The following L3MBTL3 variants were observed in gnomAD, a reference collection of about 807,000 sequenced individuals.
The protein encoded by L3MBTL3 is L3MBTL histone methyl-lysine binding protein 3.
L3MBTL3 carries 27 observed loss-of-function variants against 102.3 expected under a neutral mutation model. The ratio of observed to expected loss-of-function variants is 0.26; its 90% CI spans 0.19 to 0.36. L3MBTL3 has a LOEUF of 0.36. Among genes scored for constraint, L3MBTL3 ranks in the 10% least tolerant of loss-of-function variants. The probability of loss-of-function intolerance (pLI) is 1.00; values close to 1 mark genes in which losing one functional copy is unlikely to be tolerated. For synonymous variants in L3MBTL3, 340 were observed against 320.9 expected (o/e 1.06, Z -0.64); for missense variants, 798 against 955.3 (o/e 0.84, Z 2.17).
chr6:130,113,267 T>A (rs1459536105), intron 19 of L3MBTL3, among the ~76,000 whole-genome samples: 1 of 152,210 alleles, frequency 6.6e-6, no homozygotes, highest in East Asian at 1.9e-4. Context: ...GGAATCTTCA[T>A]TTTTTAACCA....
At chr6:130,060,379 CT>C (rs1173559725) in intron 10 of L3MBTL3, among the ~76,000 whole-genome samples, 1 of 152,160 alleles carries the variant, frequency 6.6e-6, no homozygotes, top group African/African-American at 2.4e-5. Context: ...GACCACACAG[CT>C]TCAAAGTGGT....
chr6:130,135,148 G>A (rs1033697164), intron 22 of L3MBTL3, among the ~76,000 whole-genome samples: 2 of 142,100 alleles, frequency 1.4e-5, no homozygotes, highest in African/African-American at 5.3e-5. Context: ...TGCAACCTCC[G>A]CCTCCTGGCA....
intron 8 of L3MBTL3, among the ~76,000 whole-genome samples, chr6:130,056,205 G>A (rs1781499281): frequency 1.3e-5 from 2 of 152,190 alleles, no homozygotes; most frequent in South Asian, 2.1e-4. Context: ...TGGGATTACA[G>A]GCATGAGCCA....
At chr6:130,081,213 A>G (rs1345522006) in intron 14 of L3MBTL3, among the ~76,000 whole-genome samples, 3 of 152,220 alleles carry the variant, frequency 2.0e-5, no homozygotes, top group African/African-American at 7.2e-5. Context: ...AGTGAACTGC[A>G]GTTATCTCTA....
chr6:130,120,072 A>G (rs1217768597), intron 19 of L3MBTL3, among the ~76,000 whole-genome samples: 1 of 152,222 alleles, frequency 6.6e-6, no homozygotes, highest in East Asian at 1.9e-4. Context: ...GTAGCACATC[A>G]TAAACACAGA....
intron 2 of L3MBTL3, among the ~76,000 whole-genome samples, chr6:130,039,576 C>T (rs1240565400): frequency 6.7e-6 from 1 of 148,802 alleles, no homozygotes; most frequent in Non-Finnish European, 1.5e-5. Flanking sequence ...TGGTTGAAAG[C>T]TCAAAGAGGT....
chr6:130,023,540 A>AG (rs1779142948), intron 2 of L3MBTL3, among the ~76,000 whole-genome samples: 1 of 152,296 alleles, frequency 6.6e-6, no homozygotes, highest in East Asian at 1.9e-4. Context: ...CTAGAATAGG[A>AG]ATCAGAAGAC....
chr6:130,136,810 G>T (rs1787733462), intron 22 of L3MBTL3, among the ~76,000 whole-genome samples: 1 of 152,030 alleles, frequency 6.6e-6, no homozygotes, highest in Non-Finnish European at 1.5e-5. Context: ...TAGAGATGTG[G>T]TTTCACCATA....
At chr6:130,068,747 A>G (rs1409315881) in intron 12 of L3MBTL3, among the ~76,000 whole-genome samples, 1 of 152,210 alleles carries the variant, frequency 6.6e-6, no homozygotes, top group African/African-American at 2.4e-5. Context: ...GTGCTGTTCA[A>G]ATGGGATTCA....
chr6:130,071,160 T>A, intron 13 of L3MBTL3, 33 bp downstream of exon 13: 1 of 1,577,354 alleles, frequency 6.3e-7, no homozygotes, highest in Non-Finnish European at 8.7e-7. Context: ...CTTTTAAAAA[T>A]TTAATATTTA....
Position 130,133,802 on chromosome 6 carries a change from C to G in L3MBTL3, c.2137-41C>G. On this transcript the variant is annotated intron_variant, in intron 21 of 22. Coordinates refer to ENST00000361794, the MANE Select transcript of L3MBTL3 (RefSeq NM_032438.4). This position sits in a 1 kb window ranked among gnomAD's most constrained non-coding sequence, Gnocchi z 4.9. Reference sequence around the variant, plus strand: ...TGAACCTGTAGCATTTAGATTCTGACTGTGTTTTTTAACTGGGAATTTTGA... The same window carrying G: ...TGAACCTGTAGCATTTAGATTCTGAGTGTGTTTTTTAACTGGGAATTTTGA... 6.5e-7 allele frequency: 1 copy of G among 1,549,838 alleles called. No homozygotes were observed. Among genetic ancestry groups the G allele is most frequent in the South Asian group, 1.1e-5 (1 of 89,664 alleles).
intron 1 of L3MBTL3, among the ~76,000 whole-genome samples, chr6:130,019,918 C>T (rs1390586823): frequency 2.1e-5 from 3 of 139,938 alleles, no homozygotes; most frequent in Non-Finnish European, 4.7e-5. Flanking sequence ...GCGTTCGCCC[C>T]GCGCCGTGCC....
intron 20 of L3MBTL3, among the ~76,000 whole-genome samples, chr6:130,124,970 C>CA (rs61490555): frequency 2.9e-3 from 392 of 135,950 alleles, no homozygotes; most frequent in Middle Eastern, 0.026. Flanking sequence ...AACTCCATCT[C>CA]AAAAAAAAAA....
intron 19 of L3MBTL3, among the ~76,000 whole-genome samples, chr6:130,111,737 C>G (rs1785359655): frequency 6.6e-6 from 1 of 152,140 alleles, no homozygotes; most frequent in African/African-American, 2.4e-5. Context: ...ATATCAGATC[C>G]CCTGGGACTT....
chr6:130,103,005 G>A (rs1374252819), intron 18 of L3MBTL3, among the ~76,000 whole-genome samples: 16 of 152,176 alleles, frequency 1.1e-4, no homozygotes. Flanking sequence ...AAGGTAATTA[G>A]CACATAATAA....
chr6:130,033,357 T>C (rs945939316), intron 2 of L3MBTL3, among the ~76,000 whole-genome samples: 6 of 144,558 alleles, frequency 4.2e-5, no homozygotes, highest in African/African-American at 7.3e-5. Context: ...TAACGGTTAG[T>C]GAGTGAAGAT....
At chr6:130,108,188 A>G (rs973739113) in intron 19 of L3MBTL3, among the ~76,000 whole-genome samples, 2 of 151,242 alleles carry the variant, frequency 1.3e-5, no homozygotes, top group African/African-American at 4.8e-5. Context: ...ATAGTGATTA[A>G]TAAGTCATAA....
At chr6:130,052,385 G>A (rs1186776652) in intron 6 of L3MBTL3, among the ~76,000 whole-genome samples, 1 of 152,174 alleles carries the variant, frequency 6.6e-6, no homozygotes, top group Non-Finnish European at 1.5e-5. Context: ...GATTAAAGGT[G>A]TGAGCCACTG....
chr6:130,048,965 CACACAT>C (rs1780903890), intron 3 of L3MBTL3, among the ~76,000 whole-genome samples: 1 of 147,358 alleles, frequency 6.8e-6, no homozygotes, highest in African/African-American at 2.4e-5. Context: ...CACACACACA[CACACAT>C]ACACACACAA....
Sources: gnomAD v4.1 joint callset for allele counts (sites outside exome capture counted in the v4.1 genomes callset) on GRCh38, gnomAD v4.1.1 for gene constraint, Gnocchi (gnomAD v3.1) non-coding constraint, MANE v1.5 for transcripts, NCBI Gene and HGNC (gene_info 2026-07-23, HGNC 2026-07-21) for gene names.